The following HEATR4 variants were observed in gnomAD, a reference collection of about 807,000 sequenced individuals.
HEATR4 encodes HEAT repeat containing 4, also known as HEAT repeat-containing protein 4.
In HEATR4, 95 loss-of-function variants were observed where a neutral mutation model predicts 108.8. The observed-to-expected ratio is 0.87, with a 90% CI of 0.74 to 1.04. The LOEUF is 1.04. HEATR4 is among the 50% of genes least tolerant of loss of function. The pLI, the probability that HEATR4 is intolerant of heterozygous loss-of-function variation, is 0.00. For synonymous variants in HEATR4, 443 were observed against 459.4 expected (o/e 0.96, Z 0.46); for missense variants, 1,152 against 1,253.8 (o/e 0.92, Z 1.23).
the HEATR4 span, chr14:73,569,485 G>T: frequency 6.2e-7 from 1 of 1,612,518 alleles, no homozygotes; most frequent in Non-Finnish European, 8.5e-7. Context: ...GAACCGGTGC[G>T]AATCGCCGTG....
Position 73,496,662 on chromosome 14 carries a change from A to G in HEATR4, c.2564T>C (p.Met855Thr). The G allele has an allele frequency of 1.3e-6, 2 of 1,583,980 alleles. No individual in the cohort carries two copies. The highest frequency in any genetic ancestry group is 1.7e-6 in the Non-Finnish European group (2 of 1,152,780). Residue 855 changes from methionine to threonine, a missense_variant, in exon 15 of 18, where the codon ATG (methionine) becomes ACG (threonine). By Grantham distance (81) the Met-to-Thr change is moderately conservative. Coordinates refer to ENST00000553558, the MANE Select transcript of HEATR4 (RefSeq NM_001220484.1). ...DAVLKEMYQT[M>T]KILNLGNEGN... ...TTCATTTCCTAAGTTGAGTATCTTCATTGTCTGGTACATTTCTCTGAAAGA... is the reference window on the plus strand; with the variant it reads ...TTCATTTCCTAAGTTGAGTATCTTCGTTGTCTGGTACATTTCTCTGAAAGA...
the HEATR4 span, among the ~76,000 whole-genome samples, chr14:73,576,295 C>A: frequency 6.6e-6 from 1 of 151,934 alleles, no homozygotes; most frequent in African/African-American, 2.4e-5. Context: ...AAACTGATTA[C>A]TAGTTAGATA....
the HEATR4 span, among the ~76,000 whole-genome samples, chr14:73,584,727 C>A: frequency 6.8e-6 from 1 of 146,900 alleles, no homozygotes; most frequent in African/African-American, 2.5e-5. Flanking sequence ...TAAACTACAG[C>A]ATCCCCTCCC....
the HEATR4 span, chr14:73,594,927 A>T: frequency 1.7e-6 from 2 of 1,201,160 alleles, no homozygotes; most frequent in Non-Finnish European, 2.3e-6. Flanking sequence ...CTGGTCTCAA[A>T]CTCCTGACCT....
In HEATR4 at chr14:73,478,629, C is replaced by T; in HGVS notation, c.3058G>A (p.Gly1020Arg). The T allele has an allele frequency of 6.2e-7, 1 of 1,613,162 alleles. No individual in the cohort carries two copies. The highest frequency in any genetic ancestry group is 8.5e-7 in the Non-Finnish European group (1 of 1,179,412). The part of the protein sequence containing the change: ...FFSPIMSSPS[G>R]KKGAHL ...GCTTAGAGATGAGCACCTTTCTTTC[C>T]AGAGGGAGAAGACATGATGGGAGAA... The change falls in exon 18 of 18, where the codon GGA (glycine) becomes AGA (arginine). Residue 1020 changes from glycine to arginine, a missense_variant. Physicochemically the swap from Gly to Arg is moderately radical, Grantham distance 125. Transcript: ENST00000553558.
chr14:73,526,942 G>A (rs1888378119), intron 2 of HEATR4, among the ~76,000 whole-genome samples: 1 of 152,168 alleles, frequency 6.6e-6, no homozygotes, highest in Non-Finnish European at 1.5e-5. Flanking sequence ...AGTGGGGAGA[G>A]AGATTCCTGA....
the HEATR4 span, among the ~76,000 whole-genome samples, chr14:73,583,871 G>GGC: frequency 6.6e-6 from 1 of 151,854 alleles, no homozygotes; most frequent in Admixed American, 6.6e-5. Context: ...GTGGTGGTGC[G>GGC]CACCTGTAGT....
intron 5 of HEATR4, among the ~76,000 whole-genome samples, chr14:73,518,296 C>T (rs1360818556): frequency 6.6e-6 from 1 of 151,400 alleles, no homozygotes; most frequent in Non-Finnish European, 1.5e-5. Context: ...TCCAGCTACC[C>T]TGGAGGCTGA....
chr14:73,497,954 G>A (rs1886202072), intron 14 of HEATR4, among the ~76,000 whole-genome samples: 1 of 152,160 alleles, frequency 6.6e-6, no homozygotes. Context: ...GAGAAAAGAT[G>A]CATGAACTAC....
At chr14:73,548,585 C>T (rs1446113509) in intron 1 of HEATR4, among the ~76,000 whole-genome samples, 1 of 115,172 alleles carries the variant, frequency 8.7e-6, no homozygotes, top group Non-Finnish European at 1.9e-5. Context: ...GTGCATAAGG[C>T]ACGGAAGCAC....
the HEATR4 span, chr14:73,612,417 G>T: frequency 8.1e-5 from 37 of 459,394 alleles, no homozygotes; most frequent in East Asian, 1.3e-3. Flanking sequence ...AATTCTAGGC[G>T]CCCCACGCAG....
the HEATR4 span, among the ~76,000 whole-genome samples, chr14:73,606,789 G>A: frequency 7.2e-5 from 11 of 152,276 alleles, no homozygotes; most frequent in African/African-American, 2.4e-4. Context: ...GCCACTGTGC[G>A]AGAGATCACA....
At position 73,552,934 on chromosome 14, in the gene HEATR4, C is replaced by T. The variant is rs572171566; in HGVS notation, c.-152+5817G>A. ...AGCTCCCCCACCAGCTCCCTTCCAT[C>T]CCCCATGGGTCCTATCCAGGGTTTC... On this transcript the variant is annotated intron_variant, in intron 1 of 17. Coordinates refer to ENST00000553558, the MANE Select transcript of HEATR4 (RefSeq NM_001220484.1). Among the ~76,000 whole-genome samples the T allele has an allele frequency of 2.8e-4, 32 of 113,624 alleles. 7 individuals carry two copies. Among genetic ancestry groups the T allele is most frequent in the Middle Eastern group, 9.5e-3 (2 of 210 alleles). The allele number at this position is 113,624 out of a possible 152,430, so 74.5% of individuals were successfully genotyped here.
chr14:73,509,549 T>C, intron 7 of HEATR4, 76 bp from the exon 8 acceptor site: 1 of 1,494,114 alleles, frequency 6.7e-7, no homozygotes, highest in South Asian at 1.2e-5. Flanking sequence ...CCTACAGCCA[T>C]GTGGTGGCCA....
intron 10 of HEATR4, 25 bp downstream of exon 10, chr14:73,506,442 C>G: frequency 6.4e-7 from 1 of 1,563,208 alleles, no homozygotes; most frequent in Non-Finnish European, 8.8e-7. Flanking sequence ...GGCTTTCTGT[C>G]CTGGAGGCAA....
chr14:73,527,982 AAAAG>A (rs1178415913), intron 2 of HEATR4, among the ~76,000 whole-genome samples: 4 of 151,428 alleles, frequency 2.6e-5, no homozygotes, highest in Admixed American at 6.6e-5. Context: ...AAAAAAAAAA[AAAAG>A]GAGTGATTTA....
the HEATR4 span, chr14:73,575,717 T>C: frequency 2.3e-5 from 12 of 515,882 alleles, no homozygotes; most frequent in Non-Finnish European, 3.8e-5. Context: ...GGAGTAACTG[T>C]AGGAAACACA....
At chr14:73,589,719 T>A in the HEATR4 span, among the ~76,000 whole-genome samples, 1 of 152,090 alleles carries the variant, frequency 6.6e-6, no homozygotes, top group Admixed American at 6.6e-5. Flanking sequence ...TCCAGACTGG[T>A]CTTGGTCTCA....
intron 1 of HEATR4, among the ~76,000 whole-genome samples, chr14:73,535,469 CTTTTTTTTTTTTTTTTTTTTTTTTTTT>C (rs869167008): frequency 6.0e-5 from 1 of 16,538 alleles, no homozygotes; most frequent in African/African-American, 8.9e-5. Flanking sequence ...TTTCTTCTTT[CTTTTTTTTTTTTTTTTTTTTTTTTTTT>C]TTTTTTTTTT....
Sources: allele counts gnomAD v4.1 joint callset (sites outside exome capture counted in the v4.1 genomes callset), GRCh38; gene constraint gnomAD v4.1.1; transcripts MANE v1.5; gene names NCBI Gene and HGNC (gene_info 2026-07-23, HGNC 2026-07-21).